MAGI2: variants seen among roughly 807,000 people sequenced by gnomAD.
MAGI2 encodes the protein membrane-associated guanylate kinase, WW and PDZ domain-containing protein 2.
MAGI2 carries 35 observed loss-of-function variants against 133.3 expected under a neutral mutation model. The observed-to-expected ratio is 0.26, with a 90% confidence interval of 0.20 to 0.35. MAGI2 has a LOEUF of 0.35. Ranked by LOEUF, MAGI2 falls within the 10% of genes least tolerant of loss-of-function variation. MAGI2 has a pLI of 1.00. For missense variants in MAGI2, 1,636 were observed against 1,863.4 expected (o/e 0.88, Z 2.25); for synonymous variants, 729 against 710.6 (o/e 1.03, Z -0.41).
chr7:78,709,651 G>A (rs997704128), intron 2 of MAGI2, among the ~76,000 whole-genome samples: 1 of 152,174 alleles, frequency 6.6e-6, no homozygotes, highest in African/African-American at 2.4e-5. Context: ...AGTTTCTTAG[G>A]AGCTTAGTTG....
intron 2 of MAGI2, among the ~76,000 whole-genome samples, chr7:78,923,155 C>T (rs1799397918): frequency 6.6e-6 from 1 of 152,140 alleles, no homozygotes; most frequent in South Asian, 2.1e-4. Flanking sequence ...CCTGTTCACA[C>T]TGATGGTAGT....
chr7:78,970,172 A>G (rs1006607256), intron 2 of MAGI2, among the ~76,000 whole-genome samples: 1 of 151,942 alleles, frequency 6.6e-6, no homozygotes, highest in Non-Finnish European at 1.5e-5. Context: ...CTAGATTATT[A>G]AATCCTTGTA....
At chr7:79,410,215 G>A (rs921138816) in intron 1 of MAGI2, 24 of 152,058 alleles carry the variant, frequency 1.6e-4, no homozygotes, top group Admixed American at 1.2e-3. Context: ...ATTTAAATTA[G>A]AATGTATTTA....
chr7:78,825,399 T>C (rs557966005), intron 2 of MAGI2, among the ~76,000 whole-genome samples: 4 of 152,340 alleles, frequency 2.6e-5, no homozygotes, highest in African/African-American at 9.6e-5. Flanking sequence ...TATATGTTAC[T>C]AGTTTGACCT....
intron 6 of MAGI2, among the ~76,000 whole-genome samples, chr7:78,388,276 ATCATCATCATCATCATCATCG>A (rs1205065154): frequency 9.0e-5 from 2 of 22,246 alleles, no homozygotes; most frequent in Non-Finnish European, 2.4e-4. Flanking sequence ...CTCCACTGTT[ATCATCATCATCATCATCATCG>A]TCATCATCAT....
intron 7 of MAGI2, among the ~76,000 whole-genome samples, chr7:78,359,737 T>C (rs902750526): frequency 1.3e-5 from 2 of 152,214 alleles, no homozygotes; most frequent in African/African-American, 4.8e-5. Flanking sequence ...GAAAATGCTT[T>C]AAAAATTTTA....
intron 16 of MAGI2, among the ~76,000 whole-genome samples, chr7:78,150,573 C>G (rs1174279625): frequency 6.6e-6 from 1 of 152,156 alleles, no homozygotes; most frequent in Non-Finnish European, 1.5e-5. Flanking sequence ...GGGGTCTCTT[C>G]GCAGTTGCAA....
At chr7:79,058,237 A>G (rs570670823) in intron 1 of MAGI2, among the ~76,000 whole-genome samples, 1 of 152,228 alleles carries the variant, frequency 6.6e-6, no homozygotes, top group East Asian at 1.9e-4. Context: ...ATTTTTTTCT[A>G]TGCTATTTAG....
chr7:78,882,106 AAAG>A (rs1795913970), intron 2 of MAGI2, among the ~76,000 whole-genome samples: 11 of 124,588 alleles, frequency 8.8e-5, no homozygotes, highest in Non-Finnish European at 1.4e-4. Flanking sequence ...AAAAAAAAAA[AAAG>A]AAAAGAAAAA....
chr7:78,333,636 C>T (rs1022861335), intron 9 of MAGI2, among the ~76,000 whole-genome samples: 1 of 152,212 alleles, frequency 6.6e-6, no homozygotes, highest in Non-Finnish European at 1.5e-5. Context: ...TGACAGCCTT[C>T]CCTTTTGCTC....
intron 1 of MAGI2, among the ~76,000 whole-genome samples, chr7:79,422,714 A>G (rs1847055814): frequency 1.3e-5 from 2 of 151,970 alleles, no homozygotes; most frequent in Non-Finnish European, 2.9e-5. Context: ...TTTTCTACTA[A>G]CAATTTTGTT....
At chr7:78,045,619 C>G (rs1242428670) in intron 21 of MAGI2, among the ~76,000 whole-genome samples, 1 of 152,142 alleles carries the variant, frequency 6.6e-6, no homozygotes, top group Admixed American at 6.5e-5. Context: ...TTTTCATGAG[C>G]CTTTTCAGTT....
At chr7:78,760,361 C>CTT (rs71085562) in intron 2 of MAGI2, among the ~76,000 whole-genome samples, 1,785 of 124,566 alleles carry the variant, frequency 0.014, 61 homozygotes, top group African/African-American at 0.041. Flanking sequence ...TTAATTCTCT[C>CTT]TTTTTTTTTT....
chr7:79,420,904 T>C lies in MAGI2; in HGVS notation c.301+32116A>G, dbSNP rs140243257. 4.4e-4 allele frequency among the ~76,000 whole-genome samples: 67 copies of C among 152,152 alleles called. No homozygotes were observed. In the East Asian group the frequency reaches 0.012, roughly 28 times the overall value. ...TTAATGTGAATCTGTGAAAACTCAA[T>C]GCCATGACTTCAAGTTATGAGAAAG... On this transcript the variant is annotated intron_variant, in intron 1 of 21. Coordinates refer to ENST00000354212, the MANE Select transcript of MAGI2 (RefSeq NM_012301.4).
At chr7:78,455,015 C>T (rs73148390) in intron 6 of MAGI2, among the ~76,000 whole-genome samples, 20,390 of 152,042 alleles carry the variant, frequency 0.13, 1,576 homozygotes, top group East Asian at 0.33. Context: ...TTGTCAAAAC[C>T]GACAGAACTG....
intron 1 of MAGI2, among the ~76,000 whole-genome samples, chr7:79,404,552 C>T (rs1342343003): frequency 6.6e-6 from 1 of 152,066 alleles, no homozygotes; most frequent in Non-Finnish European, 1.5e-5. Flanking sequence ...TCAGAAACTA[C>T]AGTGCCATTA....
chr7:79,040,487 G>A (rs967423537), intron 1 of MAGI2, among the ~76,000 whole-genome samples: 2 of 151,954 alleles, frequency 1.3e-5, no homozygotes, highest in African/African-American at 4.8e-5. Context: ...AGAGGATGAA[G>A]AGTCAGTTAA....
chr7:78,180,130 C>T (rs1827055310), intron 13 of MAGI2, among the ~76,000 whole-genome samples: 1 of 152,178 alleles, frequency 6.6e-6, no homozygotes, highest in African/African-American at 2.4e-5. Flanking sequence ...AGACCACATA[C>T]ACATTAAAAA....
intron 6 of MAGI2, among the ~76,000 whole-genome samples, chr7:78,407,687 C>G (rs1183843938): frequency 1.3e-5 from 2 of 151,196 alleles, no homozygotes; most frequent in African/African-American, 4.9e-5. Flanking sequence ...AACGTATTTA[C>G]TCAATATTAT....
Sources: allele counts gnomAD v4.1 joint callset (sites outside exome capture counted in the v4.1 genomes callset), GRCh38; gene constraint gnomAD v4.1.1; transcripts MANE v1.5; gene names NCBI Gene and HGNC (gene_info 2026-07-23, HGNC 2026-07-21).